SLF1: variants seen among roughly 807,000 people sequenced by gnomAD.
The protein encoded by SLF1 is SMC5-SMC6 complex localization factor protein 1.
SLF1 carries 105 observed loss-of-function variants against 123.0 expected under a neutral mutation model. The ratio of observed to expected loss-of-function variants is 0.85; its 90% CI spans 0.73 to 1.00. The LOEUF (loss-of-function observed/expected upper bound fraction) is 1.00. Among genes scored for constraint, SLF1 ranks in the 50% least tolerant of loss-of-function variants. SLF1 has a pLI of 0.00. For missense variants in SLF1, 1,239 were observed against 1,223.0 expected (o/e 1.01, Z -0.20); for synonymous variants, 434 against 406.6 (o/e 1.07, Z -0.81).
chr5:94,679,347 A>G (rs1367633543), intron 15 of SLF1, among the ~76,000 whole-genome samples: 1 of 152,050 alleles, frequency 6.6e-6, no homozygotes, highest in Non-Finnish European at 1.5e-5. Context: ...ATCCCAACCT[A>G]CTTTGGGAAG....
chr5:94,638,250 C>T (rs929749953), intron 4 of SLF1, among the ~76,000 whole-genome samples: 1 of 152,154 alleles, frequency 6.6e-6, no homozygotes, highest in African/African-American at 2.4e-5. Context: ...GCGATCTCAG[C>T]TCACTGCAAC....
rs1348386883 is a variant in SLF1, at chr5:94,640,369, C to T, written c.432-2904C>T. Among the ~76,000 whole-genome samples, 5 of 151,810 alleles carry T rather than the reference C, an allele frequency of 3.3e-5. No homozygotes were observed. The East Asian group carries it at 5.8e-4, about 18-fold the overall frequency. On this transcript the variant is annotated intron_variant, in intron 4 of 20. Transcript: ENST00000265140. ...GAACTCAGCTGTCATTCTTTTTTTC[C>T]GTTTGTATCATTTTGTCTTCCCTGG...
intron 11 of SLF1, among the ~76,000 whole-genome samples, chr5:94,664,468 A>C (rs1159709788): frequency 2.0e-5 from 3 of 152,060 alleles, no homozygotes; most frequent in Non-Finnish European, 1.5e-5. Flanking sequence ...CTAATTTTTA[A>C]ATTTTTTGTA....
chr5:94,662,771 C>T (rs1232761037), intron 10 of SLF1, among the ~76,000 whole-genome samples: 2 of 152,120 alleles, frequency 1.3e-5, no homozygotes, highest in African/African-American at 4.8e-5. Flanking sequence ...ATACATATAT[C>T]CAGTCTATTG....
chr5:94,667,420 A>T (rs1035349769), intron 12 of SLF1, among the ~76,000 whole-genome samples: 1 of 152,198 alleles, frequency 6.6e-6, no homozygotes, highest in African/African-American at 2.4e-5. Flanking sequence ...TTCTTCTTAT[A>T]TAAACTATTG....
intron 4 of SLF1, among the ~76,000 whole-genome samples, chr5:94,642,039 T>G (rs1284564776): frequency 6.6e-6 from 1 of 152,238 alleles, no homozygotes; most frequent in East Asian, 1.9e-4. Flanking sequence ...CAGCAGATTT[T>G]CCTAACCCTT....
chr5:94,632,347 T>C (rs1745303247), intron 4 of SLF1, among the ~76,000 whole-genome samples: 1 of 152,222 alleles, frequency 6.6e-6, no homozygotes, highest in Non-Finnish European at 1.5e-5. Flanking sequence ...ACTTAGTCTT[T>C]TTAAAAGTTG....
At chr5:94,655,323 G>T (rs1322157147) in intron 9 of SLF1, among the ~76,000 whole-genome samples, 1 of 152,098 alleles carries the variant, frequency 6.6e-6, no homozygotes, top group Non-Finnish European at 1.5e-5. Flanking sequence ...TGCTGTTTGG[G>T]TTACTATAGC....
chr5:94,644,767 T>C (rs921212032), intron 5 of SLF1, among the ~76,000 whole-genome samples: 2 of 152,182 alleles, frequency 1.3e-5, no homozygotes, highest in African/African-American at 4.8e-5. Flanking sequence ...TTGGTACTCC[T>C]TACATTTACA....
intron 10 of SLF1, 24 bp from the exon 11 acceptor site, chr5:94,663,726 A>G: frequency 6.8e-7 from 1 of 1,477,710 alleles, no homozygotes; most frequent in Non-Finnish European, 9.0e-7. Flanking sequence ...TTTTCTCTGA[A>G]TCATAGAATC....
At chr5:94,692,327 A>G (rs1244591659) in intron 20 of SLF1, 71 bp downstream of exon 20, 1 of 1,419,384 alleles carries the variant, frequency 7.0e-7, no homozygotes, top group African/African-American at 1.4e-5. Context: ...AGAGGTAGAT[A>G]GCATTTTATG....
intron 9 of SLF1, among the ~76,000 whole-genome samples, chr5:94,657,544 T>G (rs1748554283): frequency 6.6e-6 from 1 of 152,100 alleles, no homozygotes; most frequent in East Asian, 1.9e-4. Context: ...TCTAAATGTC[T>G]GTTAGGTTCA....
chr5:94,678,786 T>C, intron 14 of SLF1, 22 bp from the exon 15 acceptor site: 4 of 1,583,894 alleles, frequency 2.5e-6, no homozygotes, highest in Non-Finnish European at 2.6e-6. Flanking sequence ...ATTTTAGTAA[T>C]TTTTTTGTAT....
rs1456195491 is a variant in SLF1, at chr5:94,691,580, TA to T, written c.2437del (p.Arg813GlufsTer4). 6.2e-7 allele frequency: 1 copy of T among 1,610,802 alleles called. No homozygotes were observed. The highest frequency in any genetic ancestry group is 1.1e-5 in the South Asian group (1 of 90,358). ...TNLKGETALH[R>X]ACINNQVEKL... ...TTATGGCAGGAGAAACAGCCCTGCA[TA>T]GAGCTTGCATAAATAACCAAGTGGA... On this transcript the variant is annotated frameshift_variant, in exon 19 of 21. Transcript: ENST00000265140. LOFTEE classifies it high-confidence loss of function.
At chr5:94,633,790 C>T (rs1411318105) in intron 4 of SLF1, among the ~76,000 whole-genome samples, 1 of 152,132 alleles carries the variant, frequency 6.6e-6, no homozygotes, top group African/African-American at 2.4e-5. Flanking sequence ...TTTAAATTCT[C>T]ATTTTGGTTT....
intron 11 of SLF1, 90 bp from the exon 12 acceptor site, chr5:94,665,771 A>G (rs10051931): frequency 0.26 from 298,639 of 1,144,236 alleles, 41,794 homozygotes; most frequent in Non-Finnish European, 0.29. Flanking sequence ...AAGTTAGGCC[A>G]GGGTTACTGT....
At chr5:94,632,024 C>G (rs916606756) in intron 4 of SLF1, among the ~76,000 whole-genome samples, 1 of 148,732 alleles carries the variant, frequency 6.7e-6, no homozygotes, top group African/African-American at 2.5e-5. Context: ...GATGCATGTC[C>G]TAGTCCTAGC....
At position 94,628,911 on chromosome 5, in the gene SLF1, T is replaced by A; in HGVS notation, c.101T>A (p.Phe34Tyr). 6.5e-7 allele frequency: 1 copy of A among 1,542,758 alleles called. No individual in the cohort carries two copies. Among genetic ancestry groups the A allele is most frequent in the Non-Finnish European group, 8.8e-7 (1 of 1,142,736 alleles). ...VKLLLKLDCT[F>Y]IKSEKYKNCT... ...TTACTTTTAAAACTAGATTGCACTT[T>A]TATTAAGAGTGAGGTAAGAAACTTA... Residue 34 changes from phenylalanine (F) to tyrosine (Y), a missense_variant, in exon 2 of 21, where the codon TTT becomes TAT. Transcript: ENST00000265140.
Position 94,688,589 on chromosome 5 carries a change from G to T in SLF1, c.2205G>T (p.Arg735=). The change falls in exon 17 of 21, where the codon CGG becomes CGT. Residue 735 remains arginine, a synonymous_variant. Transcript: ENST00000265140. ...KIQVSKKIGQ[R]PCFDSQRTLL... is the part of the protein sequence containing the mutation. ...AGGTGTCAAAGAAAATAGGACAGCGGCCTTGTTTTGACTCTCAGAGAACCT... is the reference window on the plus strand; with the variant it reads ...AGGTGTCAAAGAAAATAGGACAGCGTCCTTGTTTTGACTCTCAGAGAACCT... 1 of 1,614,060 alleles carries T rather than the reference G, an allele frequency of 6.2e-7. No homozygotes were observed. Among genetic ancestry groups the T allele is most frequent in the Non-Finnish European group, 8.5e-7 (1 of 1,179,960 alleles).
Sources: gnomAD v4.1 joint callset for allele counts (sites outside exome capture counted in the v4.1 genomes callset) on GRCh38, gnomAD v4.1.1 for gene constraint, MANE v1.5 for transcripts, NCBI Gene and HGNC (gene_info 2026-07-23, HGNC 2026-07-21) for gene names.